Variants in TEX15 observed in about 807,000 individuals in gnomAD.
TEX15 encodes the protein testis-expressed protein 15.
In TEX15, 171 loss-of-function variants were observed where a neutral mutation model predicts 237.3. The ratio of observed to expected loss-of-function variants is 0.72; its 90% CI spans 0.64 to 0.82. The LOEUF (loss-of-function observed/expected upper bound fraction) is 0.82, where lower values mean the gene tolerates loss of function less well. TEX15 is among the 40% of genes least tolerant of loss of function. The pLI is 0.00. For missense variants in TEX15, 3,750 were observed against 3,646.5 expected, an observed-to-expected ratio of 1.03 and a Z score of -0.73; for synonymous variants, 1,338 against 1,269.8, an observed-to-expected ratio of 1.05 and a Z score of -1.14.
intron 2 of TEX15, among the ~76,000 whole-genome samples, chr8:30,892,986 T>C (rs1808826286): frequency 6.6e-6 from 1 of 150,754 alleles, no homozygotes; most frequent in South Asian, 2.1e-4. Context: ...TGAGCCGAGA[T>C]TGTGCCACTG....
chr8:30,904,027 T>C (rs959028842), intron 1 of TEX15, among the ~76,000 whole-genome samples: 2 of 151,888 alleles, frequency 1.3e-5, no homozygotes, highest in African/African-American at 2.4e-5. Context: ...ACTAATCTAT[T>C]ATGGTTATGA....
chr8:30,910,528 T>C (rs1203888983), intron 1 of TEX15, among the ~76,000 whole-genome samples: 1 of 151,936 alleles, frequency 6.6e-6, no homozygotes, highest in African/African-American at 2.4e-5. Flanking sequence ...TCCTGCAGCC[T>C]TGACCACCCG....
chr8:30,851,928 C>T (rs1807796735), intron 7 of TEX15, among the ~76,000 whole-genome samples: 1 of 151,918 alleles, frequency 6.6e-6, no homozygotes, highest in South Asian at 2.1e-4. Context: ...AGCAAGACCC[C>T]ATCTCAAAAC....
In TEX15 at chr8:30,848,941, C is replaced by G. The variant is rs1187082010; in HGVS notation, c.1226G>C (p.Gly409Ala). 1 of 1,614,120 alleles carries G rather than the reference C, an allele frequency of 6.2e-7. No individual in the cohort carries two copies. The highest frequency in any genetic ancestry group is 8.5e-7 in the Non-Finnish European group (1 of 1,180,004). The change falls in exon 8 of 11, where the codon GGT (glycine) becomes GCT (alanine). Residue 409 changes from glycine (G) to alanine (A), a missense_variant. By Grantham distance (60) the Gly-to-Ala change is moderately conservative. Transcript: ENST00000643185. ...NWTSLKNILS[G>A]LNASFPLHNN... ...GTGAAGAGGAAAAGAAGCATTAAGACCACTTAAAATATTTTTAAGACTTGT... is the reference window on the plus strand; with the variant it reads ...GTGAAGAGGAAAAGAAGCATTAAGAGCACTTAAAATATTTTTAAGACTTGT...
intron 1 of TEX15, among the ~76,000 whole-genome samples, chr8:30,910,277 C>A (rs1283754950): frequency 1.3e-5 from 2 of 151,982 alleles, no homozygotes; most frequent in Admixed American, 1.3e-4. Flanking sequence ...TATAATTATA[C>A]TTCACTGATT....
chr8:30,863,817 A>C (rs1233797640), intron 5 of TEX15, among the ~76,000 whole-genome samples: 2 of 152,178 alleles, frequency 1.3e-5, no homozygotes, highest in Non-Finnish European at 2.9e-5. Flanking sequence ...TACAACAATC[A>C]AAAAACAGAA....
chr8:30,849,388 G>GC, intron 7 of TEX15, 72 bp from the exon 8 acceptor site: 1 of 812,366 alleles, frequency 1.2e-6, no homozygotes, highest in Non-Finnish European at 1.9e-6. Flanking sequence ...CAGGTACATT[G>GC]TGTCCAGTAA....
chr8:30,906,631 T>C (rs565932261), intron 1 of TEX15, among the ~76,000 whole-genome samples: 2 of 150,538 alleles, frequency 1.3e-5, no homozygotes, highest in Admixed American at 1.3e-4. Context: ...AACAAGCATA[T>C]ATTAAAGTGC....
In TEX15 at chr8:30,848,489, T is replaced by C; in HGVS notation, c.1678A>G (p.Lys560Glu). The change falls in exon 8 of 11, where the codon AAG (lysine) becomes GAG (glutamate). Residue 560 changes from lysine (K) to glutamate (E), a missense_variant. Physicochemically the swap from Lys to Glu is moderately conservative, Grantham distance 56. Transcript: ENST00000643185. ...GACTCCTGTTGGGCTCTCTGAGCCT[T>C]CTCCTCACTGTGGTTTTGGTTCTCA... is the stretch of plus-strand genomic sequence containing the variant. The part of the protein sequence containing the change: ...EVENQNHSEE[K>E]AQRAQQESGN... 6.2e-7 allele frequency: 1 copy of C among 1,614,160 alleles called. No homozygotes were observed. Among genetic ancestry groups the C allele is most frequent in the Non-Finnish European group, 8.5e-7 (1 of 1,180,014 alleles).
rs368790005 is a variant in TEX15, at chr8:30,858,671, C to G, written c.847G>C (p.Ala283Pro). ...TACAATCATATGTGTATCTTACCAG[C>G]TCTCTTAGGAAATCCTGTTGAGAGG... ...RFLSTGFPKR[A>P]ERTCSLNNCT... Residue 283 changes from alanine to proline, a missense_variant, in exon 7 of 11, where the codon GCT becomes CCT. Transcript: ENST00000643185. 6.5e-7 allele frequency: 1 copy of G among 1,531,078 alleles called. No individual in the cohort carries two copies. The highest frequency in any genetic ancestry group is 8.7e-7 in the Non-Finnish European group (1 of 1,145,006). 94.8% of individuals were successfully genotyped at this position (1,531,078 alleles called of 1,614,324 possible). A position where few individuals can be genotyped will look rare whatever the true frequency, so the allele number is the denominator to read the frequency against.
rs548696952 is a variant in TEX15, at chr8:30,898,308, A to AC, written c.-10+433dup. ...TTGGAGATGATTAAGTCGAGAACAG[A>AC]CCCCTCGTGAATGGGATTAGCATAC... On this transcript the variant is annotated intron_variant, in intron 2 of 10. Coordinates refer to ENST00000643185, the MANE Select transcript of TEX15 (RefSeq NM_001350162.2). Among the ~76,000 whole-genome samples the AC allele has an allele frequency of 9.0e-4, 137 of 152,192 alleles. 2 individuals are homozygous for AC. Among genetic ancestry groups the AC allele is most frequent in the African/African-American group, 3.3e-3 (136 of 41,524 alleles).
Position 30,843,304 on chromosome 8 carries a change from C to A in TEX15, c.6863G>T (p.Ser2288Ile), listed in dbSNP as rs1585281835. The A allele has an allele frequency of 1.2e-6, 2 of 1,610,730 alleles. No individual in the cohort carries two copies. The highest frequency in any genetic ancestry group is 1.1e-5 in the South Asian group (1 of 90,406). The part of the protein sequence containing the change: ...LVWKERTQSF[S>I]KKYSQKKDEE... ...GTCCTTCTTTTGTGAGTATTTTTTGCTGAAGGATTGTGTTCTCTCTTTCCA... is the reference window on the plus strand; with the variant it reads ...GTCCTTCTTTTGTGAGTATTTTTTGATGAAGGATTGTGTTCTCTCTTTCCA... Residue 2288 changes from serine to isoleucine, a missense_variant, in exon 8 of 11, where the codon AGC (serine) becomes ATC (isoleucine). Physicochemically the swap from Ser to Ile is moderately radical, Grantham distance 142 (BLOSUM62 -2). Transcript: ENST00000643185.
chr8:30,867,279 T>C lies in TEX15; in HGVS notation c.526A>G (p.Ile176Val). ...ATGATACCTACCTTAAAAATTAAAA[T>C]ACTTTCTACAGTAATGCTTTGACTA... ...SHSQSITVES[I>V]LIFKVLFGKV... Residue 176 changes from isoleucine (I) to valine (V), a missense_variant, in exon 5 of 11, where the codon ATT becomes GTT. Transcript: ENST00000643185. 1 of 1,482,174 alleles carries C rather than the reference T, an allele frequency of 6.7e-7. No homozygotes were observed. Among genetic ancestry groups the C allele is most frequent in the South Asian group, 1.2e-5 (1 of 82,736 alleles). The allele number at this position is 1,482,174 out of a possible 1,614,324, so 91.8% of individuals were successfully genotyped here. A position where few individuals can be genotyped will look rare whatever the true frequency, so the allele number is the denominator to read the frequency against.
intron 5 of TEX15, among the ~76,000 whole-genome samples, chr8:30,865,183 A>T (rs949016901): frequency 5.3e-5 from 8 of 152,150 alleles, no homozygotes; most frequent in Non-Finnish European, 1.2e-4. Context: ...AGAGACTAGT[A>T]TGATAACTAT....
chr8:30,846,638 A>G lies in TEX15; in HGVS notation c.3529T>C (p.Leu1177=). 6.2e-7 allele frequency: 1 copy of G among 1,613,920 alleles called. No homozygotes were observed. The highest frequency in any genetic ancestry group is 8.5e-7 in the Non-Finnish European group (1 of 1,179,834). The stretch of plus-strand genomic sequence containing the variant: ...ACATGTGTGCAAAAACTATCTTTCA[A>G]TGCAAGGGAGTCAGCTGTCGGGCTG... The part of the protein sequence containing the change: ...GFSPTADSLA[L]KDSFCTHVTE... Residue 1177 remains leucine, a synonymous_variant, in exon 8 of 11, where the codon TTG becomes CTG. Coordinates refer to ENST00000643185, the MANE Select transcript of TEX15 (RefSeq NM_001350162.2).
chr8:30,875,065 A>G lies in TEX15; in HGVS notation c.174T>C (p.Tyr58=). Residue 58 remains tyrosine, a synonymous_variant, in exon 4 of 11, where the codon TAT becomes TAC. Transcript: ENST00000643185. ...LSPCYTNSRE[Y]SFIHDTLNQC... ...GGTTAAGAGTATCATGTATAAAACT[A>G]TACTCTCTACTATTGGTGTAACAAG... 1 of 1,281,566 alleles carries G rather than the reference A, an allele frequency of 7.8e-7. No individual in the cohort carries two copies. The highest frequency in any genetic ancestry group is 2.0e-4 in the Middle Eastern group (1 of 5,050). 79.4% of individuals were successfully genotyped at this position (1,281,566 alleles called of 1,614,324 possible).
At chr8:30,873,497 G>C (rs1285207023) in intron 4 of TEX15, among the ~76,000 whole-genome samples, 1 of 152,074 alleles carries the variant, frequency 6.6e-6, no homozygotes, top group East Asian at 1.9e-4. Flanking sequence ...CAGGATCTGT[G>C]CCCTAAGGTA....
rs187550013 is a variant in TEX15, at chr8:30,834,553, G to T, written c.9482-1230C>A. Among the ~76,000 whole-genome samples the T allele has an allele frequency of 2.0e-5, 3 of 152,246 alleles. No homozygotes were observed. The East Asian group carries it at 5.8e-4, about 29-fold the overall frequency. The stretch of plus-strand genomic sequence containing the variant: ...TGTGTAAAGTCATTTACTGAGGCAG[G>T]GAAGAAAGGGAAAGATACAGAGATT... On this transcript the variant is annotated intron_variant, in intron 10 of 10. Transcript: ENST00000643185.
intron 4 of TEX15, among the ~76,000 whole-genome samples, chr8:30,872,073 T>G (rs1450762473): frequency 6.6e-6 from 1 of 152,044 alleles, no homozygotes; most frequent in African/African-American, 2.4e-5. Context: ...AGACAATGGG[T>G]GAGAGTAAGA....
Sources: gnomAD v4.1 joint callset for allele counts (sites outside exome capture counted in the v4.1 genomes callset) on GRCh38, gnomAD v4.1.1 for gene constraint, MANE v1.5 for transcripts, NCBI Gene and HGNC (gene_info 2026-07-23, HGNC 2026-07-21) for gene names.